Variants in KCNJ2 observed in about 807,000 individuals in gnomAD.
KCNJ2 encodes the protein inward rectifier potassium channel 2.
KCNJ2 carries 12 observed loss-of-function variants against 28.4 expected under a neutral mutation model. That is an observed-to-expected ratio of 0.42 (90% CI 0.27 to 0.68). The LOEUF is 0.68. Among genes scored for constraint, KCNJ2 ranks in the 30% least tolerant of loss-of-function variants. KCNJ2 has a pLI of 0.23. For synonymous variants in KCNJ2, 200 were observed against 203.2 expected (o/e 0.98, Z 0.13); for missense variants, 320 against 551.3 (o/e 0.58, Z 4.20).
rs1255204534 is a variant in KCNJ2, at chr17:70,177,804, TATAAC to T, written c.*1486_*1490del. ...TTAGGGTCAATGAGAGCCATAAAAA[TATAAC>T]ATAATCACAAGTAAAGGAGATAATG... On this transcript the variant is annotated 3_prime_UTR_variant, in exon 2 of 2. Coordinates refer to ENST00000243457, the MANE Select transcript of KCNJ2 (RefSeq NM_000891.3). 6.0e-6 allele frequency: 1 copy of T among 167,088 alleles called. No homozygotes were observed. 10.4% of individuals were successfully genotyped at this position (167,088 alleles called of 1,614,324 possible).
Position 70,178,650 on chromosome 17 carries a change from G to T in KCNJ2, c.*2327G>T, listed in dbSNP as rs1026613740. On this transcript the variant is annotated 3_prime_UTR_variant, in exon 2 of 2. Transcript: ENST00000243457. ...AAAGACTTGAGAAATTTGAAAGGGG[G>T]TGGGTATGGGGGGGGCAAGAAAGAG... 6.1e-6 allele frequency: 1 copy of T among 163,858 alleles called. No homozygotes were observed. The highest frequency in any genetic ancestry group is 2.5e-5 in the African/African-American group (1 of 40,312). The allele number at this position is 163,858 out of a possible 1,614,324, so 10.2% of individuals were successfully genotyped here. A position where few individuals can be genotyped will look rare whatever the true frequency, so the allele number is the denominator to read the frequency against.
chr17:70,175,290 T>C lies in KCNJ2; in HGVS notation c.251T>C (p.Met84Thr), dbSNP rs1415820562. ...TGTGTGGACATTCGCTGGCGGTGGA[T>C]GCTGGTTATCTTCTGCCTGGCTTTC... Reference protein sequence around the residue: ...TTCVDIRWRWMLVIFCLAFVL... With the variant: ...TTCVDIRWRWTLVIFCLAFVL... Residue 84 changes from methionine (M) to threonine (T), a missense_variant, in exon 2 of 2, where the codon ATG becomes ACG. Physicochemically the swap from Met to Thr is moderately conservative, Grantham distance 81. Transcript: ENST00000243457. This position sits in a 1 kb window ranked among gnomAD's most constrained non-coding sequence, Gnocchi z 8.3. 3 of 1,614,106 alleles carry C rather than the reference T, an allele frequency of 1.9e-6. No homozygotes were observed. Among genetic ancestry groups the C allele is most frequent in the Non-Finnish European group, 2.5e-6 (3 of 1,180,042 alleles).
chr17:70,170,257 C>G (rs1249684505), intron 1 of KCNJ2, among the ~76,000 whole-genome samples: 1 of 151,722 alleles, frequency 6.6e-6, no homozygotes, highest in African/African-American at 2.4e-5. Context: ...AGAGCGGGAG[C>G]CCGAGTTGGA....
At position 70,171,678 on chromosome 17, in the gene KCNJ2, G is replaced by A. The variant is rs779377051; in HGVS notation, c.-217+1977G>A. Among the ~76,000 whole-genome samples, 6 of 151,960 alleles carry A rather than the reference G, an allele frequency of 3.9e-5. No homozygotes were observed. The East Asian group carries it at 7.7e-4, about 20-fold the overall frequency. On this transcript the variant is annotated intron_variant, in intron 1 of 1. Coordinates refer to ENST00000243457, the MANE Select transcript of KCNJ2 (RefSeq NM_000891.3). ...TTTAACATCTACCTAAGTTTAAAACGCTGAACTATTTTTTTCCATTGCTTA... is the reference window on the plus strand; with the variant it reads ...TTTAACATCTACCTAAGTTTAAAACACTGAACTATTTTTTTCCATTGCTTA...
Position 70,172,694 on chromosome 17 carries a change from T to A in KCNJ2, c.-216-2130T>A, listed in dbSNP as rs188109776. On this transcript the variant is annotated intron_variant, in intron 1 of 1. Transcript: ENST00000243457. The stretch of plus-strand genomic sequence containing the variant: ...GGTAACTCACATGGAAGGATTGTTT[T>A]GAATCATGAAAAGGGAATTTCTTGG... Among the ~76,000 whole-genome samples, 798 of 152,298 alleles carry A rather than the reference T, an allele frequency of 5.2e-3. 6 individuals are homozygous for A. The highest frequency in any genetic ancestry group is 0.017 in the African/African-American group (713 of 41,562).
At position 70,176,065 on chromosome 17, in the gene KCNJ2, C is replaced by T; in HGVS notation, c.1026C>T (p.Ser342=). The stretch of plus-strand genomic sequence containing the variant: ...AGCACTACTACAAAGTGGACTATTC[C>T]AGGTTCCACAAAACTTACGAAGTCC... ...EEKHYYKVDY[S]RFHKTYEVPN... The change falls in exon 2 of 2, where the codon TCC becomes TCT. Residue 342 remains serine, a synonymous_variant. Transcript: ENST00000243457. The T allele has an allele frequency of 6.2e-7, 1 of 1,614,088 alleles. No individual in the cohort carries two copies. The highest frequency in any genetic ancestry group is 8.5e-7 in the Non-Finnish European group (1 of 1,180,014).
chr17:70,175,186 G>A lies in KCNJ2; in HGVS notation c.147G>A (p.Lys49=), dbSNP rs566444796. 6.2e-7 allele frequency: 1 copy of A among 1,614,230 alleles called. No homozygotes were observed. The highest frequency in any genetic ancestry group is 1.7e-5 in the Admixed American group (1 of 60,030). The stretch of plus-strand genomic sequence containing the variant: ...AACAGTGCAGGAGCCGCTTTGTGAA[G>A]AAAGATGGCCACTGTAATGTTCAGT... ...TRQQCRSRFV[K]KDGHCNVQFI... is the part of the protein sequence containing the mutation. Residue 49 remains lysine, a synonymous_variant, in exon 2 of 2, where the codon AAG becomes AAA. Coordinates refer to ENST00000243457, the MANE Select transcript of KCNJ2 (RefSeq NM_000891.3). The surrounding 1 kb of genome is among the most constrained non-coding windows in gnomAD (Gnocchi z 8.3).
chr17:70,179,043 A>G lies in KCNJ2; in HGVS notation c.*2720A>G, dbSNP rs1027164305. On this transcript the variant is annotated 3_prime_UTR_variant, in exon 2 of 2. Transcript: ENST00000243457. ...TTTTTCTAGTTATTAGCGTTTTAAC[A>G]GTTACAAGCTTTAAATGGCAATTTT... 3.3e-5 allele frequency: 5 copies of G among 151,474 alleles called. No homozygotes were observed. The highest frequency in any genetic ancestry group is 7.8e-5 in the Non-Finnish European group (5 of 63,892). 9.4% of individuals were successfully genotyped at this position (151,474 alleles called of 1,614,324 possible). A position where few individuals can be genotyped will look rare whatever the true frequency, so the allele number is the denominator to read the frequency against.
intron 1 of KCNJ2, among the ~76,000 whole-genome samples, chr17:70,172,956 A>G (rs1479858810): frequency 2.0e-5 from 3 of 152,228 alleles, no homozygotes; most frequent in Non-Finnish European, 4.4e-5. Context: ...TCCAAGTGCA[A>G]ACTTCACAGG....
chr17:70,174,032 G>A (rs2074378433), intron 1 of KCNJ2, among the ~76,000 whole-genome samples: 1 of 152,194 alleles, frequency 6.6e-6, no homozygotes, highest in African/African-American at 2.4e-5. Flanking sequence ...CTGCATAGTG[G>A]TTGCTTAAAG....
At position 70,176,363 on chromosome 17, in the gene KCNJ2, G is replaced by T. The variant is rs553864556; in HGVS notation, c.*40G>T. 7.6e-6 allele frequency: 12 copies of T among 1,582,606 alleles called. No homozygotes were observed. The East Asian group carries it at 1.6e-4, about 21-fold the overall frequency. On this transcript the variant is annotated 3_prime_UTR_variant, in exon 2 of 2. Coordinates refer to ENST00000243457, the MANE Select transcript of KCNJ2 (RefSeq NM_000891.3). The stretch of plus-strand genomic sequence containing the variant: ...CTCTGGAATAGTTACTTTACAACAC[G>T]GTCTGTTGGTCAGAGGCCCAAAACA...
In KCNJ2 at chr17:70,179,500, A is replaced by G. The variant is rs184562002; in HGVS notation, c.*3177A>G. ...AATCAGACATTTTAAGGATGTCACTATGGCACTGTTGTCATTTCCAAATTC... is the reference window on the plus strand; with the variant it reads ...AATCAGACATTTTAAGGATGTCACTGTGGCACTGTTGTCATTTCCAAATTC... On this transcript the variant is annotated 3_prime_UTR_variant, in exon 2 of 2. Coordinates refer to ENST00000243457, the MANE Select transcript of KCNJ2 (RefSeq NM_000891.3). 6.6e-5 allele frequency: 11 copies of G among 166,700 alleles called. No individual in the cohort carries two copies. Among genetic ancestry groups the G allele is most frequent in the Non-Finnish European group, 1.0e-4 (7 of 68,094 alleles). The allele number at this position is 166,700 out of a possible 1,614,324, so 10.3% of individuals were successfully genotyped here.
In KCNJ2 at chr17:70,176,246, C is replaced by A. The variant is rs752406680; in HGVS notation, c.1207C>A (p.Pro403Thr). Residue 403 changes from proline to threonine, a missense_variant, in exon 2 of 2, where the codon CCC becomes ACC. By Grantham distance (38) the Pro-to-Thr change is conservative. Around this residue, in one of 3 missense-constraint regions of KCNJ2, gnomAD observed 155 missense variants for 231.6 expected, o/e 0.67. Coordinates refer to ENST00000243457, the MANE Select transcript of KCNJ2 (RefSeq NM_000891.3). ...TCCAGAAAGCACTAGTACGGACACG[C>A]CCCCTGACATAGACCTTCACAACCA... ...GVPESTSTDT[P>T]PDIDLHNQAS... 1.9e-6 allele frequency: 3 copies of A among 1,613,984 alleles called. No homozygotes were observed. The highest frequency in any genetic ancestry group is 2.5e-6 in the Non-Finnish European group (3 of 1,180,008).
At chr17:70,170,042 G>C (rs2074356445) in intron 1 of KCNJ2, among the ~76,000 whole-genome samples, 1 of 152,140 alleles carries the variant, frequency 6.6e-6, no homozygotes, top group Admixed American at 6.5e-5. Flanking sequence ...GTCTGTGTTC[G>C]GTTCTCACTC....
chr17:70,171,383 G>A (rs559812436), intron 1 of KCNJ2, among the ~76,000 whole-genome samples: 1 of 152,240 alleles, frequency 6.6e-6, no homozygotes, highest in South Asian at 2.1e-4. Context: ...GGCGTCAGCT[G>A]GGGAATAGCT....
chr17:70,170,666 C>T (rs773210064), intron 1 of KCNJ2, among the ~76,000 whole-genome samples: 1 of 152,214 alleles, frequency 6.6e-6, no homozygotes, highest in Non-Finnish European at 1.5e-5. Flanking sequence ...CATTAATAAT[C>T]AATAGGCTGC....
Position 70,175,380 on chromosome 17 carries a change from A to T in KCNJ2, c.341A>T (p.Asp114Val). 6.2e-7 allele frequency: 1 copy of T among 1,614,088 alleles called. No homozygotes were observed. Among genetic ancestry groups the T allele is most frequent in the Non-Finnish European group, 8.5e-7 (1 of 1,180,014 alleles). ...ATAGCTCTGCTCCATGGGGACCTGGATGCATCCAAAGAGGGCAAAGCTTGT... is the reference window on the plus strand; with the variant it reads ...ATAGCTCTGCTCCATGGGGACCTGGTTGCATCCAAAGAGGGCAAAGCTTGT... Reference protein sequence around the residue: ...WLIALLHGDLDASKEGKACVS... With the variant: ...WLIALLHGDLVASKEGKACVS... Residue 114 changes from aspartate to valine, a missense_variant, in exon 2 of 2, where the codon GAT becomes GTT. Asp to Val is a radical substitution (Grantham distance 152). This residue lies in a region of KCNJ2 where 111 missense variants were observed against 256.7 expected (regional missense o/e 0.43). Coordinates refer to ENST00000243457, the MANE Select transcript of KCNJ2 (RefSeq NM_000891.3). The surrounding 1 kb of genome is among the most constrained non-coding windows in gnomAD (Gnocchi z 8.3).
Position 70,176,314 on chromosome 17 carries a change from G to A in KCNJ2, c.1275G>A (p.Ser425=), listed in dbSNP as rs555386610. The change falls in exon 2 of 2, where the codon TCG becomes TCA. Residue 425 remains serine (S), a synonymous_variant. Coordinates refer to ENST00000243457, the MANE Select transcript of KCNJ2 (RefSeq NM_000891.3). The part of the protein sequence containing the change: ...PLEPRPLRRE[S]EI ...AGCCCAGGCCCTTACGGCGAGAGTC[G>A]GAGATATGACTGACTGATTCCTTCT... The A allele has an allele frequency of 2.9e-5, 46 of 1,613,914 alleles. No individual in the cohort carries two copies. In the South Asian group the frequency reaches 3.6e-4, roughly 13 times the overall value.
At chr17:70,174,194 C>A (rs2074379216) in intron 1 of KCNJ2, among the ~76,000 whole-genome samples, 2 of 152,160 alleles carry the variant, frequency 1.3e-5, no homozygotes, top group Non-Finnish European at 2.9e-5. Flanking sequence ...CAAGCCTACT[C>A]CAAAATCCAC....
Sources: allele counts gnomAD v4.1 joint callset (sites outside exome capture counted in the v4.1 genomes callset), GRCh38; gene constraint gnomAD v4.1.1; regional missense constraint gnomAD v4.1.1; non-coding constraint Gnocchi (gnomAD v3.1); transcripts MANE v1.5; gene names NCBI Gene and HGNC (gene_info 2026-07-23, HGNC 2026-07-21).